HS3ST4: variants seen among roughly 807,000 people sequenced by gnomAD.
HS3ST4 encodes the protein heparan sulfate glucosamine 3-O-sulfotransferase 4.
HS3ST4 carries 17 observed loss-of-function variants against 29.2 expected under a neutral mutation model. The observed-to-expected ratio is 0.58, with a 90% confidence interval of 0.40 to 0.87. HS3ST4 has a LOEUF of 0.87. HS3ST4 is among the 40% of genes least tolerant of loss of function. HS3ST4 has a pLI of 0.00. For missense variants in HS3ST4, 627 were observed against 634.5 expected (o/e 0.99, Z 0.13); for synonymous variants, 314 against 285.7 (o/e 1.10, Z -1.00).
At chr16:26,068,390 C>T (rs566212427) in intron 1 of HS3ST4, among the ~76,000 whole-genome samples, 55 of 152,102 alleles carry the variant, frequency 3.6e-4, no homozygotes, top group Admixed American at 8.5e-4. Context: ...AAAAGTTTAA[C>T]GTAGATCTTA....
At chr16:26,054,299 A>AGAGAG (rs397962355) in intron 1 of HS3ST4, among the ~76,000 whole-genome samples, 41 of 141,780 alleles carry the variant, frequency 2.9e-4, no homozygotes, top group Non-Finnish European at 5.1e-4. Context: ...AGAGAGAGAG[A>AGAGAG]AGGAGGAGGA....
At chr16:25,712,291 G>A (rs113384731) in intron 1 of HS3ST4, among the ~76,000 whole-genome samples, 313 of 152,268 alleles carry the variant, frequency 2.1e-3, no homozygotes, top group African/African-American at 7.2e-3. Context: ...AGAAGCTAGG[G>A]CAGGCAGATT....
intron 1 of HS3ST4, among the ~76,000 whole-genome samples, chr16:25,880,942 G>A (rs369330353): frequency 1.2e-3 from 187 of 152,262 alleles, no homozygotes; most frequent in Middle Eastern, 0.01. Flanking sequence ...CTCTAGTTCT[G>A]CCTGATATTC....
At chr16:25,747,690 C>T (rs556142874) in intron 1 of HS3ST4, among the ~76,000 whole-genome samples, 16 of 152,336 alleles carry the variant, frequency 1.1e-4, no homozygotes, top group African/African-American at 1.9e-4. Context: ...TCAGTCCCTG[C>T]GCTTGTTTTC....
chr16:25,799,754 A>G (rs1966912831), intron 1 of HS3ST4, among the ~76,000 whole-genome samples: 1 of 152,152 alleles, frequency 6.6e-6, no homozygotes, highest in African/African-American at 2.4e-5. Context: ...TTTTTTATAA[A>G]GTTCTTAGAA....
chr16:25,800,571 A>G (rs1966923553), intron 1 of HS3ST4, among the ~76,000 whole-genome samples: 1 of 152,170 alleles, frequency 6.6e-6, no homozygotes, highest in Non-Finnish European at 1.5e-5. Flanking sequence ...CGCTACCCTA[A>G]GACCATGATT....
chr16:25,819,465 A>G (rs941153171), intron 1 of HS3ST4, among the ~76,000 whole-genome samples: 2 of 152,130 alleles, frequency 1.3e-5, no homozygotes, highest in African/African-American at 4.8e-5. Flanking sequence ...TGGAAGTCTT[A>G]AGCCCCTTCC....
chr16:25,988,178 A>C (rs548780656), intron 1 of HS3ST4, among the ~76,000 whole-genome samples: 3 of 152,302 alleles, frequency 2.0e-5, no homozygotes, highest in East Asian at 3.9e-4. Context: ...ATGAGCAGAG[A>C]GGTGGCAGCT....
chr16:26,028,272 C>CAAAAAA (rs57920476), intron 1 of HS3ST4, among the ~76,000 whole-genome samples: 42 of 48,020 alleles, frequency 8.7e-4, no homozygotes, highest in Non-Finnish European at 1.3e-3. Context: ...GACACCGTCT[C>CAAAAAA]AAAAAAAAAA....
At chr16:25,943,470 T>C (rs977307261) in intron 1 of HS3ST4, among the ~76,000 whole-genome samples, 4 of 152,192 alleles carry the variant, frequency 2.6e-5, no homozygotes, top group Non-Finnish European at 5.9e-5. Context: ...TGGCAAATAC[T>C]GGATGACATT....
At chr16:26,102,353 GT>G (rs1479762320) in intron 1 of HS3ST4, among the ~76,000 whole-genome samples, 1 of 152,032 alleles carries the variant, frequency 6.6e-6, no homozygotes, top group Non-Finnish European at 1.5e-5. Context: ...TGGGACACTG[GT>G]CATTAGTCCT....
intron 1 of HS3ST4, among the ~76,000 whole-genome samples, chr16:26,050,344 T>C (rs1274100470): frequency 6.6e-6 from 1 of 152,122 alleles, no homozygotes; most frequent in African/African-American, 2.4e-5. Context: ...TTTTTTACAA[T>C]GTCACAGTCC....
At chr16:25,728,094 C>G (rs1966549220) in intron 1 of HS3ST4, among the ~76,000 whole-genome samples, 1 of 152,264 alleles carries the variant, frequency 6.6e-6, no homozygotes. Context: ...CTTCGACTCC[C>G]TGGTTCAAGC....
intron 1 of HS3ST4, among the ~76,000 whole-genome samples, chr16:25,997,038 A>G (rs1969164463): frequency 6.6e-6 from 1 of 152,100 alleles, no homozygotes; most frequent in Non-Finnish European, 1.5e-5. Context: ...CTAGCTAGTG[A>G]GTGCTTGATT....
intron 1 of HS3ST4, among the ~76,000 whole-genome samples, chr16:25,696,268 T>C (rs1477088155): frequency 6.6e-6 from 1 of 152,182 alleles, no homozygotes; most frequent in African/African-American, 2.4e-5. Flanking sequence ...CACAGTGCAC[T>C]TTTCAGAATG....
In HS3ST4 at chr16:25,730,270, C is replaced by G. The variant is rs148846841; in HGVS notation, c.734+37119C>G. Among the ~76,000 whole-genome samples, 5 of 152,252 alleles carry G rather than the reference C, an allele frequency of 3.3e-5. No individual in the cohort carries two copies. In the East Asian group the frequency reaches 9.7e-4, roughly 29 times the overall value. ...TTCCTGTTGGTACTTTGAGCCTAAACAGTAAGAAAGTTGGTACTAGAACAG... is the reference window on the plus strand; with the variant it reads ...TTCCTGTTGGTACTTTGAGCCTAAAGAGTAAGAAAGTTGGTACTAGAACAG... On this transcript the variant is annotated intron_variant, in intron 1 of 1. Coordinates refer to ENST00000331351, the MANE Select transcript of HS3ST4 (RefSeq NM_006040.3).
In HS3ST4 at chr16:25,916,607, C is replaced by T. The variant is rs140503012; in HGVS notation, c.735-219005C>T. On this transcript the variant is annotated intron_variant, in intron 1 of 1. Coordinates refer to ENST00000331351, the MANE Select transcript of HS3ST4 (RefSeq NM_006040.3). ...AAACTCCTGACCTCAGATGATCCGC[C>T]CGCCTTGGGCTCCCAAAGTGTTGGG... Among the ~76,000 whole-genome samples, 585 of 152,046 alleles carry T rather than the reference C, an allele frequency of 3.8e-3. 5 individuals carry two copies. The highest frequency in any genetic ancestry group is 0.013 in the African/African-American group (538 of 41,470).
At chr16:26,029,050 A>G (rs1219280643) in intron 1 of HS3ST4, 2 of 152,260 alleles carry the variant, frequency 1.3e-5, no homozygotes, top group Admixed American at 1.3e-4. Context: ...GTGGGACTCC[A>G]CACACATCAA....
intron 1 of HS3ST4, among the ~76,000 whole-genome samples, chr16:25,970,085 A>G (rs576778860): frequency 6.6e-6 from 1 of 152,338 alleles, no homozygotes; most frequent in East Asian, 1.9e-4. Flanking sequence ...AGGACAAAAC[A>G]CCCTAATTCT....
Sources: gnomAD v4.1 joint callset for allele counts (sites outside exome capture counted in the v4.1 genomes callset) on GRCh38, gnomAD v4.1.1 for gene constraint, MANE v1.5 for transcripts, NCBI Gene and HGNC (gene_info 2026-07-23, HGNC 2026-07-21) for gene names.